MAGI2: variants seen among roughly 807,000 people sequenced by gnomAD.
MAGI2 encodes the protein membrane associated guanylate kinase, WW and PDZ domain containing 2, also known as membrane-associated guanylate kinase, WW and PDZ domain-containing protein 2.
MAGI2 carries 35 observed loss-of-function variants against 133.3 expected under a neutral mutation model. The observed-to-expected ratio is 0.26, with a 90% CI of 0.20 to 0.35. MAGI2 has a LOEUF of 0.35. Ranked by LOEUF, MAGI2 falls within the 10% of genes least tolerant of loss-of-function variation. The probability of loss-of-function intolerance (pLI) is 1.00; values close to 1 mark genes in which losing one functional copy is unlikely to be tolerated. For missense variants in MAGI2, 1,636 were observed against 1,863.4 expected, an observed-to-expected ratio of 0.88 and a Z score of 2.25; for synonymous variants, 729 against 710.6, an observed-to-expected ratio of 1.03 and a Z score of -0.41.
At chr7:78,083,086 C>T (rs1816157721) in intron 20 of MAGI2, among the ~76,000 whole-genome samples, 1 of 151,846 alleles carries the variant, frequency 6.6e-6, no homozygotes, top group Non-Finnish European at 1.5e-5. Flanking sequence ...GTGCAGTGGC[C>T]AGTGTGTGAC....
intron 6 of MAGI2, among the ~76,000 whole-genome samples, chr7:78,464,726 G>T (rs1790436565): frequency 7.4e-6 from 1 of 134,734 alleles, no homozygotes. Context: ...TACAAAATAA[G>T]AACCTGATTT....
chr7:78,678,372 CCACT>C (rs1367703668), intron 2 of MAGI2, among the ~76,000 whole-genome samples: 1 of 152,070 alleles, frequency 6.6e-6, no homozygotes, highest in Non-Finnish European at 1.5e-5. Flanking sequence ...TGCCTGCTTC[CCACT>C]CAAAGTCATC....
chr7:78,592,532 T>C (rs910124418), intron 3 of MAGI2, among the ~76,000 whole-genome samples: 4 of 152,090 alleles, frequency 2.6e-5, no homozygotes, highest in Admixed American at 2.6e-4. Context: ...GAACATATTA[T>C]ATGATGGAGC....
At chr7:78,668,357 G>A (rs1215527337) in intron 2 of MAGI2, among the ~76,000 whole-genome samples, 6 of 150,108 alleles carry the variant, frequency 4.0e-5, no homozygotes, top group African/African-American at 1.5e-4. Context: ...TGTTCACTCT[G>A]ATGGTAGTTT....
chr7:79,409,616 A>C (rs1017055060), intron 1 of MAGI2, among the ~76,000 whole-genome samples: 1 of 152,180 alleles, frequency 6.6e-6, no homozygotes, highest in East Asian at 1.9e-4. Flanking sequence ...TTATTTCAGT[A>C]TAATTTTAAC....
chr7:79,221,580 G>A (rs1397553529), intron 1 of MAGI2, among the ~76,000 whole-genome samples: 1 of 151,996 alleles, frequency 6.6e-6, no homozygotes. Flanking sequence ...GGAGCTGAAG[G>A]TGGTACCAAA....
At position 79,199,573 on chromosome 7, in the gene MAGI2, C is replaced by T. The variant is rs190435354; in HGVS notation, c.302-192367G>A. 4.3e-4 allele frequency among the ~76,000 whole-genome samples: 66 copies of T among 152,048 alleles called. 1 individual carries two copies. The highest frequency in any genetic ancestry group is 1.4e-3 in the Admixed American group (22 of 15,270). ...TTCTAAAAGCACGTTTCTTAACCTA[C>T]GTGCAAAAATCATTCCTGTATTAAA... On this transcript the variant is annotated intron_variant, in intron 1 of 21. Transcript: ENST00000354212.
chr7:78,743,402 C>T (rs1822612168), intron 2 of MAGI2, among the ~76,000 whole-genome samples: 1 of 152,114 alleles, frequency 6.6e-6, no homozygotes, highest in Non-Finnish European at 1.5e-5. Flanking sequence ...CAAAGCATTT[C>T]ACCAAAAAAA....
intron 2 of MAGI2, among the ~76,000 whole-genome samples, chr7:78,699,863 A>G (rs577481894): frequency 3.3e-5 from 5 of 152,286 alleles, no homozygotes; most frequent in South Asian, 2.1e-4. Flanking sequence ...AAATATCCAT[A>G]TAACTTTTAT....
intron 6 of MAGI2, among the ~76,000 whole-genome samples, chr7:78,479,222 T>C (rs540280293): frequency 2.0e-5 from 3 of 152,096 alleles, no homozygotes; most frequent in Admixed American, 2.0e-4. Flanking sequence ...ACCTTGGGAA[T>C]TGTGGTTCTA....
At chr7:78,346,264 C>T (rs949449933) in intron 7 of MAGI2, among the ~76,000 whole-genome samples, 4 of 152,172 alleles carry the variant, frequency 2.6e-5, no homozygotes, top group South Asian at 4.1e-4. Flanking sequence ...ATATGTTATT[C>T]TATTTACATT....
At chr7:78,109,221 G>A (rs11763363) in intron 20 of MAGI2, among the ~76,000 whole-genome samples, 29,622 of 130,458 alleles carry the variant, frequency 0.23, 2,284 homozygotes, top group East Asian at 0.45. Flanking sequence ...GGAGAATGGC[G>A]CGAACCCAGG....
chr7:78,464,619 C>A (rs1282096560), intron 6 of MAGI2, among the ~76,000 whole-genome samples: 1 of 152,030 alleles, frequency 6.6e-6, no homozygotes, highest in Non-Finnish European at 1.5e-5. Flanking sequence ...CAATATTAAT[C>A]TACAGGCCAG....
At position 78,079,926 on chromosome 7, in the gene MAGI2, G is replaced by T. The variant is rs75492006; in HGVS notation, c.3568-841C>A. 4.4e-4 allele frequency among the ~76,000 whole-genome samples: 67 copies of T among 152,314 alleles called. No homozygotes were observed. In the East Asian group the frequency reaches 0.011, roughly 25 times the overall value. ...GTCAGGAACCCTTGAATTAAAAAAT[G>T]TCTCATCTCAGTGCAAGTAACATAA... On this transcript the variant is annotated intron_variant, in intron 20 of 21. Transcript: ENST00000354212.
At chr7:78,055,978 T>G (rs970726508) in intron 21 of MAGI2, among the ~76,000 whole-genome samples, 2 of 152,188 alleles carry the variant, frequency 1.3e-5, no homozygotes, top group African/African-American at 2.4e-5. Flanking sequence ...CTTACCATCT[T>G]AACCATTTGT....
At chr7:78,183,704 G>A (rs896816559) in intron 13 of MAGI2, among the ~76,000 whole-genome samples, 1 of 152,294 alleles carries the variant, frequency 6.6e-6, no homozygotes. Flanking sequence ...CAAGTAGCTG[G>A]GACTACAGGC....
chr7:78,646,286 C>T (rs1810885954), intron 2 of MAGI2, among the ~76,000 whole-genome samples: 1 of 152,000 alleles, frequency 6.6e-6, no homozygotes, highest in Admixed American at 6.6e-5. Flanking sequence ...TTCTCTGTTT[C>T]TGGAGTCTTA....
At chr7:79,444,736 G>T (rs1848724264) in intron 1 of MAGI2, among the ~76,000 whole-genome samples, 1 of 152,096 alleles carries the variant, frequency 6.6e-6, no homozygotes, top group African/African-American at 2.4e-5. Context: ...TGGCCATACT[G>T]CCCAAGGTAA....
chr7:78,162,357 CAA>C (rs3085587), intron 15 of MAGI2, among the ~76,000 whole-genome samples: 14,105 of 137,008 alleles, frequency 0.1, 740 homozygotes, highest in East Asian at 0.17. Context: ...ACTAAAAATA[CAA>C]AAAAAAAAAA....
Sources: gnomAD v4.1 joint callset for allele counts (sites outside exome capture counted in the v4.1 genomes callset) on GRCh38, gnomAD v4.1.1 for gene constraint, MANE v1.5 for transcripts, NCBI Gene and HGNC (gene_info 2026-07-23, HGNC 2026-07-21) for gene names.